Variants in IL1RAP observed in about 807,000 individuals in gnomAD.
IL1RAP encodes the protein interleukin 1 receptor accessory protein.
Under a neutral mutation model 60.7 loss-of-function variants are expected in IL1RAP, and 35 were observed. The ratio of observed to expected loss-of-function variants is 0.58; its 90% CI spans 0.44 to 0.76. The LOEUF (loss-of-function observed/expected upper bound fraction) is 0.76. Among genes scored for constraint, IL1RAP ranks in the 30% least tolerant of loss-of-function variants. IL1RAP has a pLI of 0.00. For missense variants in IL1RAP, 572 were observed against 693.9 expected, an observed-to-expected ratio of 0.82 and a Z score of 1.97; for synonymous variants, 268 against 250.9, an observed-to-expected ratio of 1.07 and a Z score of -0.64.
In IL1RAP at chr3:190,628,510, A is replaced by G. The variant is rs74783604; in HGVS notation, c.903-840A>G. On this transcript the variant is annotated intron_variant, in intron 8 of 11. Coordinates refer to ENST00000447382, the MANE Select transcript of IL1RAP (RefSeq NM_002182.4). ...AAGCCTAGTTAAAAAGAGAACCTAG[A>G]TGGCAGTCAGCTGTAGCAGAGAGAT... Among the ~76,000 whole-genome samples the G allele has an allele frequency of 3.9e-5, 6 of 152,296 alleles. No individual in the cohort carries two copies. The East Asian group carries it at 1.2e-3, about 29-fold the overall frequency.
At chr3:190,580,977 C>A (rs180883400) in intron 3 of IL1RAP, among the ~76,000 whole-genome samples, 35 of 152,290 alleles carry the variant, frequency 2.3e-4, no homozygotes, top group African/African-American at 7.9e-4. Flanking sequence ...GTATGTCAAT[C>A]ATACCTCAGT....
intron 1 of IL1RAP, among the ~76,000 whole-genome samples, chr3:190,527,535 G>T (rs562231717): frequency 1.7e-3 from 261 of 152,266 alleles, no homozygotes; most frequent in Non-Finnish European, 2.5e-3. Flanking sequence ...AGAGAAATGA[G>T]GCAAAGGTTG....
intron 3 of IL1RAP, among the ~76,000 whole-genome samples, chr3:190,575,473 T>G (rs1727358021): frequency 6.6e-6 from 1 of 152,224 alleles, no homozygotes; most frequent in African/African-American, 2.4e-5. Flanking sequence ...TAATGGGATA[T>G]TCCTTTCCTT....
intron 5 of IL1RAP, among the ~76,000 whole-genome samples, chr3:190,611,505 T>G (rs147921772): frequency 6.6e-6 from 1 of 152,062 alleles, no homozygotes; most frequent in Non-Finnish European, 1.5e-5. Context: ...AAGAAACATA[T>G]AAGACATTTA....
At chr3:190,563,091 T>C (rs921389583) in intron 2 of IL1RAP, among the ~76,000 whole-genome samples, 8 of 152,154 alleles carry the variant, frequency 5.3e-5, no homozygotes, top group African/African-American at 1.9e-4. Flanking sequence ...TTGTGTAGTT[T>C]ATATCTTTTG....
rs550758562 is a variant in IL1RAP at position 190,525,436 on chromosome 3, G to A, written c.-89+11217G>A. On this transcript the variant is annotated intron_variant, in intron 1 of 11. Transcript: ENST00000447382. Reference sequence around the variant, plus strand: ...TCTAAGATAGGCAAGGCCTAGGTCAGACTGGTCTTGCAGGCTATGGTGAGG... The same window carrying A: ...TCTAAGATAGGCAAGGCCTAGGTCAAACTGGTCTTGCAGGCTATGGTGAGG... Among the ~76,000 whole-genome samples the A allele has an allele frequency of 7.9e-5, 12 of 152,344 alleles. No individual in the cohort carries two copies. The South Asian group carries it at 2.1e-3, about 26-fold the overall frequency.
intron 2 of IL1RAP, among the ~76,000 whole-genome samples, chr3:190,558,462 T>C (rs1725614281): frequency 6.6e-6 from 1 of 152,186 alleles, no homozygotes; most frequent in Admixed American, 6.5e-5. Context: ...AGTATTTATT[T>C]TTTAATTTTA....
intron 1 of IL1RAP, among the ~76,000 whole-genome samples, chr3:190,535,779 A>T (rs768314451): frequency 3.3e-5 from 5 of 152,160 alleles, no homozygotes; most frequent in Non-Finnish European, 5.9e-5. Context: ...AAACCCACTG[A>T]CGTTGGATCA....
chr3:190,649,033 A>G lies in IL1RAP; in HGVS notation c.*328A>G. ...TTCTTTTTAAAATCTTAACATATGG[A>G]GCAGCCTTTCCTATGAATTTAAATA... On this transcript the variant is annotated 3_prime_UTR_variant, in exon 12 of 12. Transcript: ENST00000447382. The G allele has an allele frequency of 9.8e-7, 1 of 1,019,970 alleles. No individual in the cohort carries two copies. Among genetic ancestry groups the G allele is most frequent in the Non-Finnish European group, 1.2e-6 (1 of 853,028 alleles). The allele number at this position is 1,019,970 out of a possible 1,614,324, so 63.2% of individuals were successfully genotyped here.
chr3:190,570,855 AT>A (rs964574955), intron 3 of IL1RAP, among the ~76,000 whole-genome samples: 10 of 151,940 alleles, frequency 6.6e-5, no homozygotes, highest in Non-Finnish European at 8.8e-5. Context: ...CTACTTTCAT[AT>A]TTTTTTTAAA....
rs143289934 is a variant in IL1RAP, at chr3:190,656,602, C to T, written c.2059C>T (p.Leu687=). The T allele has an allele frequency of 5.3e-4, 788 of 1,500,240 alleles. 8 individuals are homozygous for T. In the African/African-American group the frequency reaches 9.4e-3, roughly 18 times the overall value. 92.9% of individuals were successfully genotyped at this position (1,500,240 alleles called of 1,614,324 possible). A position where few individuals can be genotyped will look rare whatever the true frequency, so the allele number is the denominator to read the frequency against. ...ATCCAATAACAACGACTTTTATATC[C>T]TATAATTACTGTGTGTGGTGGGTGG... The change falls in exon 12 of 12, where the codon CTA becomes TTA. Residue 687 remains leucine (L), a synonymous_variant. Coordinates refer to the IL1RAP transcript ENST00000317757.
At chr3:190,558,510 T>C (rs1284417856) in intron 2 of IL1RAP, among the ~76,000 whole-genome samples, 1 of 152,178 alleles carries the variant, frequency 6.6e-6, no homozygotes, top group Non-Finnish European at 1.5e-5. Context: ...CTCCTTGTGG[T>C]TTTAATTTGC....
chr3:190,657,670 T>C (rs1045475598), exon 12 of IL1RAP: 2 of 152,196 alleles, frequency 1.3e-5, no homozygotes, highest in Non-Finnish European at 2.9e-5. Context: ...GTAAACATTT[T>C]CATAAACTCA....
downstream of IL1RAP, among the ~76,000 whole-genome samples, chr3:190,654,968 T>C (rs78278429): frequency 0.011 from 1,638 of 152,310 alleles, 31 homozygotes; most frequent in African/African-American, 0.038. Context: ...TCTTAGCTAC[T>C]TGACTAATTC....
At chr3:190,609,269 T>G (rs1211473808) in intron 5 of IL1RAP, 88 bp downstream of exon 5, 2 of 910,784 alleles carry the variant, frequency 2.2e-6, no homozygotes, top group Non-Finnish European at 3.3e-6. Context: ...TAAGCAAAGG[T>G]GTTTCTCTTC....
chr3:190,541,716 A>G (rs1407300008), intron 1 of IL1RAP, among the ~76,000 whole-genome samples: 1 of 152,130 alleles, frequency 6.6e-6, no homozygotes, highest in East Asian at 1.9e-4. Context: ...GCCACCATTC[A>G]TCCCCAGAAT....
intron 5 of IL1RAP, chr3:190,615,126 A>G (rs914858538): frequency 6.6e-6 from 1 of 152,526 alleles, no homozygotes; most frequent in East Asian, 1.9e-4. Flanking sequence ...ATTCAACATT[A>G]GGTATTCTAG....
At chr3:190,565,643 G>T (rs1032352105) in intron 3 of IL1RAP, among the ~76,000 whole-genome samples, 1 of 152,196 alleles carries the variant, frequency 6.6e-6, no homozygotes, top group Non-Finnish European at 1.5e-5. Flanking sequence ...GTAGATAACC[G>T]GAGATGTTAT....
chr3:190,538,610 C>T (rs1331588600), intron 1 of IL1RAP, among the ~76,000 whole-genome samples: 6 of 152,116 alleles, frequency 3.9e-5, no homozygotes, highest in South Asian at 2.1e-4. Flanking sequence ...CTTGTCGGCA[C>T]GATGTCTTTC....
Sources: gnomAD v4.1 joint callset for allele counts (sites outside exome capture counted in the v4.1 genomes callset) on GRCh38, gnomAD v4.1.1 for gene constraint, MANE v1.5 for transcripts, NCBI Gene and HGNC (gene_info 2026-07-23, HGNC 2026-07-21) for gene names.